The following GFRA3 variants were observed in gnomAD, a reference collection of about 807,000 sequenced individuals.
The protein encoded by GFRA3 is GDNF family receptor alpha 3.
A neutral mutation model predicts 40.0 loss-of-function variants in GFRA3; 24 were observed. That is an observed-to-expected ratio of 0.60 (90% CI 0.43 to 0.84). The LOEUF (loss-of-function observed/expected upper bound fraction) is 0.84. Ranked by LOEUF, GFRA3 falls within the 40% of genes least tolerant of loss-of-function variation. The probability of loss-of-function intolerance (pLI) is 0.00; values close to 1 mark genes in which losing one functional copy is unlikely to be tolerated. For synonymous variants in GFRA3, 203 were observed against 213.5 expected, an observed-to-expected ratio of 0.95 and a Z score of 0.43; for missense variants, 405 against 530.6, an observed-to-expected ratio of 0.76 and a Z score of 2.33.
At chr5:138,253,138 C>G in intron 7 of GFRA3, 81 bp from the exon 8 acceptor site, 8 of 880,728 alleles carry the variant, frequency 9.1e-6, no homozygotes, top group Admixed American at 2.0e-5. Context: ...AAGAGGTATT[C>G]CCCTTCCCCT....
At chr5:138,268,091 C>T (rs979595018) in intron 1 of GFRA3, among the ~76,000 whole-genome samples, 4 of 151,892 alleles carry the variant, frequency 2.6e-5, no homozygotes, top group African/African-American at 9.7e-5. Context: ...TCGAGACTAG[C>T]CTGATCAGCA....
chr5:138,253,186 G>A, intron 7 of GFRA3, 101 bp downstream of exon 7: 2 of 873,480 alleles, frequency 2.3e-6, no homozygotes, highest in South Asian at 1.4e-5. Flanking sequence ...TCAGGGCAAT[G>A]AGGAGGTCAG....
chr5:138,270,021 G>A (rs1438214768), intron 1 of GFRA3, among the ~76,000 whole-genome samples: 1 of 151,730 alleles, frequency 6.6e-6, no homozygotes, highest in African/African-American at 2.4e-5. Flanking sequence ...ATCAATCAAC[G>A]AATGGAACAG....
At chr5:138,267,247 A>G (rs987241221) in intron 1 of GFRA3, 1 of 131,708 alleles carries the variant, frequency 7.6e-6, no homozygotes, top group African/African-American at 2.9e-5. Flanking sequence ...GTTGGAGTGC[A>G]GTGGCATGAC....
chr5:138,253,226 G>C, intron 7 of GFRA3, 61 bp downstream of exon 7: 1 of 1,142,808 alleles, frequency 8.8e-7, no homozygotes, highest in Non-Finnish European at 1.3e-6. Context: ...TGTCTGCCTA[G>C]TTTGGGTTTT....
intron 3 of GFRA3, among the ~76,000 whole-genome samples, chr5:138,258,487 C>T (rs1444942427): frequency 6.6e-6 from 1 of 152,012 alleles, no homozygotes; most frequent in Non-Finnish European, 1.5e-5. Flanking sequence ...CGGCACAACT[C>T]CTCATCTTGA....
intron 1 of GFRA3, among the ~76,000 whole-genome samples, chr5:138,271,896 T>TG (rs1561654673): frequency 1.6e-4 from 17 of 105,932 alleles, no homozygotes; most frequent in Non-Finnish European, 1.8e-4. Context: ...TTTTCTGTTT[T>TG]TTTTTTTTTT....
intron 5 of GFRA3, 76 bp from the exon 6 acceptor site, chr5:138,253,976 G>A (rs1409369603): frequency 6.3e-7 from 1 of 1,575,942 alleles, no homozygotes; most frequent in African/African-American, 1.4e-5. Flanking sequence ...CCCATGTCAG[G>A]ATCACATCCT....
Position 138,257,684 on chromosome 5 carries a change from T to C in GFRA3, c.740A>G (p.Asn247Ser), listed in dbSNP as rs2126612719. Reference sequence around the variant, plus strand: ...GCAGAGGCGCCGCAGCTCCAGGCAGTTGGGGGCCACAGGCGGCAGCGCGCA... The same window carrying C: ...GCAGAGGCGCCGCAGCTCCAGGCAGCTGGGGGCCACAGGCGGCAGCGCGCA... Reference protein sequence around the residue: ...PNCALPPVAPNCLELRRLCFS... With the variant: ...PNCALPPVAPSCLELRRLCFS... The change falls in exon 4 of 8, where the codon AAC becomes AGC. Residue 247 changes from asparagine (N) to serine (S), a missense_variant. Transcript: ENST00000274721. 4 of 1,609,900 alleles carry C rather than the reference T, an allele frequency of 2.5e-6. No individual in the cohort carries two copies. Among genetic ancestry groups the C allele is most frequent in the Non-Finnish European group, 3.4e-6 (4 of 1,179,072 alleles).
chr5:138,253,954 C>T (rs1755588790), intron 5 of GFRA3, 54 bp from the exon 6 acceptor site: 3 of 1,587,080 alleles, frequency 1.9e-6, no homozygotes, highest in African/African-American at 1.3e-5. Context: ...CTTTAGCTCC[C>T]ACCTTCTTCC....
At chr5:138,253,550 G>C (rs1470196272) in intron 6 of GFRA3, among the ~76,000 whole-genome samples, 175 bp from the exon 7 acceptor site, 1 of 152,188 alleles carries the variant, frequency 6.6e-6, no homozygotes, top group Non-Finnish European at 1.5e-5. Flanking sequence ...AGATGTCCCT[G>C]GGTTCCAGAC....
intron 4 of GFRA3, among the ~76,000 whole-genome samples, chr5:138,254,596 T>A (rs920175099): frequency 5.9e-5 from 9 of 152,178 alleles, no homozygotes; most frequent in Non-Finnish European, 5.9e-5. Context: ...CTTCAGAGCC[T>A]GGCCCAGAGC....
Position 138,257,810 on chromosome 5 carries a change from T to C in GFRA3, c.614A>G (p.Glu205Gly). The C allele has an allele frequency of 6.2e-7, 1 of 1,613,500 alleles. No homozygotes were observed. Residue 205 changes from glutamate to glycine, a missense_variant, in exon 4 of 8, where the codon GAG becomes GGG. Coordinates refer to ENST00000274721, the MANE Select transcript of GFRA3 (RefSeq NM_001496.4). Reference protein sequence around the residue: ...VCLRQLLTFFEKAAEPHAQGL... With the variant: ...VCLRQLLTFFGKAAEPHAQGL... ...CTGCGCGTGGGGCTCGGCGGCCTTC[T>C]CGAAGAAAGTGAGCAGCTGCCTGAG...
At chr5:138,254,494 T>C (rs1178997809) in intron 4 of GFRA3, among the ~76,000 whole-genome samples, 1 of 151,782 alleles carries the variant, frequency 6.6e-6, no homozygotes, top group East Asian at 1.9e-4. Flanking sequence ...GCCAGAAAAA[T>C]TTCAAGTCAC....
chr5:138,261,066 G>A (rs944661170), intron 2 of GFRA3, among the ~76,000 whole-genome samples: 3 of 152,102 alleles, frequency 2.0e-5, no homozygotes, highest in Non-Finnish European at 4.4e-5. Flanking sequence ...GAAGTGGAGC[G>A]CTACAGTAAT....
intron 2 of GFRA3, among the ~76,000 whole-genome samples, chr5:138,261,016 A>G (rs977696375): frequency 1.6e-4 from 25 of 152,142 alleles, no homozygotes; most frequent in African/African-American, 5.5e-4. Context: ...TGAGACTCCA[A>G]CTAAAAAAAA....
chr5:138,261,831 CAA>C (rs972971108), intron 2 of GFRA3, among the ~76,000 whole-genome samples: 12 of 151,462 alleles, frequency 7.9e-5, no homozygotes, highest in African/African-American at 2.7e-4. Context: ...GGGAAAAGAC[CAA>C]ATGAGGTATG....
In GFRA3 at chr5:138,252,960, A is replaced by T; in HGVS notation, c.*8T>A. The T allele has an allele frequency of 1.3e-6, 2 of 1,524,094 alleles. No individual in the cohort carries two copies. Among genetic ancestry groups the T allele is most frequent in the South Asian group, 2.2e-5 (2 of 89,032 alleles). 94.4% of individuals were successfully genotyped at this position (1,524,094 alleles called of 1,614,324 possible). ...GGTGGAGGGGAAGAGGGCCCTGGGG[A>T]AGTCCAGCTACCATAGGCTCAGGAG... On this transcript the variant is annotated 3_prime_UTR_variant, in exon 8 of 8. Transcript: ENST00000274721.
chr5:138,266,672 C>CTTTCT (rs147567909), intron 1 of GFRA3, among the ~76,000 whole-genome samples: 2,445 of 150,434 alleles, frequency 0.016, 38 homozygotes, highest in East Asian at 0.063. Context: ...CTTTTTCTTT[C>CTTTCT]TTTCTTTTCT....
Sources: allele counts gnomAD v4.1 joint callset (sites outside exome capture counted in the v4.1 genomes callset), GRCh38; gene constraint gnomAD v4.1.1; transcripts MANE v1.5; gene names NCBI Gene and HGNC (gene_info 2026-07-23, HGNC 2026-07-21).